SOX5: variants seen among roughly 807,000 people sequenced by gnomAD.
SOX5 encodes SRY-box transcription factor 5.
SOX5 carries 9 observed loss-of-function variants against 92.0 expected under a neutral mutation model. That is an observed-to-expected ratio of 0.10 (90% CI 0.06 to 0.17). SOX5 has a LOEUF of 0.17. SOX5 is among the 10% of genes least tolerant of loss of function. SOX5 has a pLI of 1.00. For synonymous variants in SOX5, 344 were observed against 336.3 expected (o/e 1.02, Z -0.25); for missense variants, 642 against 944.5 (o/e 0.68, Z 4.20).
intron 3 of SOX5, among the ~76,000 whole-genome samples, chr12:23,816,207 CTTTT>C (rs11347313): frequency 5.4e-5 from 7 of 129,626 alleles, no homozygotes; most frequent in Admixed American, 1.6e-4. Context: ...GACAAGATTT[CTTTT>C]TTTTTTTTTT....
chr12:24,238,603 T>C lies in SOX5; in HGVS notation c.-76-25186A>G, dbSNP rs75897155. Among the ~76,000 whole-genome samples, 134 of 152,240 alleles carry C rather than the reference T, an allele frequency of 8.8e-4. 1 individual carries two copies. The East Asian group carries it at 0.024, about 27-fold the overall frequency. The stretch of plus-strand genomic sequence containing the variant: ...AACTCCTGAGCTCAAGTCATCAGTC[T>C]TCCTCAGCTTCCCAAAGTGCTGGGA... On this transcript the variant is annotated intron_variant, in intron 3 of 4. Transcript: ENST00000446891.
intron 1 of SOX5, among the ~76,000 whole-genome samples, chr12:24,461,280 C>T (rs2137482989): frequency 6.6e-6 from 1 of 152,038 alleles, no homozygotes; most frequent in East Asian, 1.9e-4. Flanking sequence ...AGAAAAGTGG[C>T]CACTACGATT....
intron 1 of SOX5, among the ~76,000 whole-genome samples, chr12:24,504,654 A>G (rs1024397671): frequency 6.6e-6 from 1 of 152,256 alleles, no homozygotes; most frequent in Non-Finnish European, 1.5e-5. Flanking sequence ...AATAAATTGT[A>G]TAGATAAACA....
intron 4 of SOX5, among the ~76,000 whole-genome samples, chr12:24,085,654 C>T (rs1195733431): frequency 6.6e-6 from 1 of 151,868 alleles, no homozygotes; most frequent in Non-Finnish European, 1.5e-5. Flanking sequence ...TAATTACTTC[C>T]TAATAAATGG....
chr12:24,550,685 A>C (rs1303298286), intron 1 of SOX5, among the ~76,000 whole-genome samples: 2 of 152,224 alleles, frequency 1.3e-5, no homozygotes, highest in Admixed American at 1.3e-4. Context: ...TTTTCCTCCA[A>C]GGATAGGTAA....
chr12:24,176,673 T>A (rs1954845453), intron 4 of SOX5, among the ~76,000 whole-genome samples: 1 of 152,158 alleles, frequency 6.6e-6, no homozygotes, highest in Admixed American at 6.5e-5. Flanking sequence ...ACATCCAAGC[T>A]CCTCACTGCA....
At chr12:24,219,748 A>T (rs1200614077) in intron 3 of SOX5, among the ~76,000 whole-genome samples, 1 of 152,144 alleles carries the variant, frequency 6.6e-6, no homozygotes, top group African/African-American at 2.4e-5. Context: ...TCCCTCATGC[A>T]CATTGCTTTG....
At chr12:24,234,482 A>G (rs1324466229) in intron 3 of SOX5, among the ~76,000 whole-genome samples, 2 of 152,042 alleles carry the variant, frequency 1.3e-5, no homozygotes, top group African/African-American at 4.8e-5. Context: ...GATTCAAGCA[A>G]TTTTCCTGCC....
At chr12:23,736,794 G>T (rs1201108435) in intron 5 of SOX5, among the ~76,000 whole-genome samples, 1 of 150,186 alleles carries the variant, frequency 6.7e-6, no homozygotes, top group East Asian at 2.0e-4. Context: ...GAGTTCAAAT[G>T]ATTCATCTGC....
chr12:23,717,090 AC>A (rs1414199106), intron 6 of SOX5, among the ~76,000 whole-genome samples: 2 of 152,154 alleles, frequency 1.3e-5, no homozygotes, highest in African/African-American at 4.8e-5. Flanking sequence ...GACTCAGTTT[AC>A]TTTTTAATAA....
chr12:24,452,045 C>T (rs1942388685), intron 1 of SOX5, among the ~76,000 whole-genome samples: 1 of 152,160 alleles, frequency 6.6e-6, no homozygotes, highest in Non-Finnish European at 1.5e-5. Context: ...TTCTGACTGG[C>T]TATCACATGG....
chr12:24,176,195 G>A (rs35546197), intron 4 of SOX5, among the ~76,000 whole-genome samples: 7,834 of 152,106 alleles, frequency 0.052, 215 homozygotes, highest in African/African-American at 0.074. Context: ...TGGGTGTGGT[G>A]GTGCATGACT....
chr12:23,970,548 G>A (rs1948105668), intron 4 of SOX5, among the ~76,000 whole-genome samples: 1 of 151,594 alleles, frequency 6.6e-6, no homozygotes. Context: ...TAGTCATAGA[G>A]TATTTTTCTC....
intron 4 of SOX5, among the ~76,000 whole-genome samples, chr12:23,970,684 T>C (rs1053573011): frequency 5.3e-5 from 8 of 150,336 alleles, no homozygotes; most frequent in Non-Finnish European, 1.5e-5. Context: ...CATCCATTCA[T>C]GTGTTGATAA....
chr12:24,325,736 A>C (rs547827545), intron 2 of SOX5, among the ~76,000 whole-genome samples: 35 of 152,318 alleles, frequency 2.3e-4, no homozygotes, highest in Non-Finnish European at 2.9e-4. Flanking sequence ...AATTGAAATA[A>C]ATCCCATAAT....
intron 3 of SOX5, among the ~76,000 whole-genome samples, chr12:23,765,487 C>T (rs2094697046): frequency 7.4e-6 from 1 of 135,324 alleles, no homozygotes; most frequent in Non-Finnish European, 1.6e-5. Flanking sequence ...CAATCAGCAA[C>T]AATAAATAAT....
Position 23,917,586 on chromosome 12 carries a change from A to T in SOX5, c.39-21562T>A, listed in dbSNP as rs571192222. Among the ~76,000 whole-genome samples, 7 of 152,218 alleles carry T rather than the reference A, an allele frequency of 4.6e-5. No homozygotes were observed. The East Asian group carries it at 1.4e-3, about 29-fold the overall frequency. ...AAAGAAAATAAATAAAAATAAAAAGAACCCTTTAGCAGTCAAAATGATGGC... is the reference window on the plus strand; with the variant it reads ...AAAGAAAATAAATAAAAATAAAAAGTACCCTTTAGCAGTCAAAATGATGGC... On this transcript the variant is annotated intron_variant, in intron 1 of 14. Coordinates refer to ENST00000451604, the MANE Select transcript of SOX5 (RefSeq NM_006940.6).
intron 4 of SOX5, among the ~76,000 whole-genome samples, chr12:24,074,290 A>T (rs1337829487): frequency 6.6e-6 from 1 of 152,084 alleles, no homozygotes; most frequent in African/African-American, 2.4e-5. Context: ...ACCACAAATG[A>T]CACCAAATTC....
intron 3 of SOX5, among the ~76,000 whole-genome samples, chr12:24,263,978 A>G (rs1159692394): frequency 6.6e-6 from 1 of 152,200 alleles, no homozygotes; most frequent in South Asian, 2.1e-4. Flanking sequence ...TATTCCAAAA[A>G]CTTTTTACAC....
Sources: allele counts gnomAD v4.1 joint callset (sites outside exome capture counted in the v4.1 genomes callset), GRCh38; gene constraint gnomAD v4.1.1; transcripts MANE v1.5; gene names NCBI Gene and HGNC (gene_info 2026-07-23, HGNC 2026-07-21).